Variants in CACNA1B observed in about 807,000 individuals in gnomAD.
The protein encoded by CACNA1B is voltage-dependent N-type calcium channel subunit alpha-1B.
Under a neutral mutation model 247.2 loss-of-function variants are expected in CACNA1B, and 70 were observed. The observed-to-expected ratio is 0.28, with a 90% CI of 0.23 to 0.35. The LOEUF is 0.35. CACNA1B is among the 10% of genes least tolerant of loss of function. The pLI, the probability that CACNA1B is intolerant of heterozygous loss-of-function variation, is 1.00. For synonymous variants in CACNA1B, 1,231 were observed against 1,294.4 expected, an observed-to-expected ratio of 0.95 and a Z score of 1.05; for missense variants, 2,367 against 3,197.4, an observed-to-expected ratio of 0.74 and a Z score of 6.26.
At chr9:138,006,194 T>G (rs960396357) in intron 15 of CACNA1B, among the ~76,000 whole-genome samples, 5 of 151,406 alleles carry the variant, frequency 3.3e-5, no homozygotes, top group Admixed American at 6.6e-5. Flanking sequence ...CCATTTTGGG[T>G]GGGGGACACA....
intron 6 of CACNA1B, among the ~76,000 whole-genome samples, chr9:137,936,925 C>G (rs1041315670): frequency 5.9e-5 from 9 of 152,192 alleles, no homozygotes; most frequent in Admixed American, 3.3e-4. Context: ...ACGCTTCCAG[C>G]TTTGTTCTTT....
rs994136787 is a variant in CACNA1B, at chr9:137,974,479, T to C, written c.1544-1428T>C. On this transcript the variant is annotated intron_variant, in intron 11 of 46. Coordinates refer to ENST00000371372, the MANE Select transcript of CACNA1B (RefSeq NM_000718.4). This position sits in a 1 kb window ranked among gnomAD's most constrained non-coding sequence, Gnocchi z 4.5. ...TCCTCAGGCCATACAAAGTGGGGTG[T>C]CCGCTCCCTGAGACTCCTGTCTGTT... Among the ~76,000 whole-genome samples the C allele has an allele frequency of 5.3e-5, 8 of 152,150 alleles. No homozygotes were observed. Among genetic ancestry groups the C allele is most frequent in the African/African-American group, 1.9e-4 (8 of 41,424 alleles).
intron 18 of CACNA1B, among the ~76,000 whole-genome samples, chr9:138,022,556 GT>G (rs996263856): frequency 4.4e-4 from 67 of 152,248 alleles, no homozygotes; most frequent in African/African-American, 1.5e-3. Context: ...TGTAGCAGCT[GT>G]GCTGGTGCTG....
chr9:138,030,195 G>A (rs1313630133), intron 20 of CACNA1B, among the ~76,000 whole-genome samples: 1 of 151,958 alleles, frequency 6.6e-6, no homozygotes, highest in African/African-American at 2.4e-5. Flanking sequence ...TTAGCTGTAA[G>A]GTTTTTGGGT....
chr9:137,996,378 G>A (rs1401910595), intron 15 of CACNA1B, among the ~76,000 whole-genome samples: 3 of 152,148 alleles, frequency 2.0e-5, no homozygotes, highest in Non-Finnish European at 2.9e-5. Context: ...GGATGGAATC[G>A]GAGGCTACTA....
At chr9:138,078,717 T>C (rs977358582) in intron 36 of CACNA1B, among the ~76,000 whole-genome samples, 49 of 152,166 alleles carry the variant, frequency 3.2e-4, no homozygotes, top group African/African-American at 1.2e-3. Context: ...CTCTGGCTTC[T>C]GTGTGAGTAG....
At chr9:137,923,553 A>G (rs1473278591) in intron 6 of CACNA1B, among the ~76,000 whole-genome samples, 1 of 151,926 alleles carries the variant, frequency 6.6e-6, no homozygotes. Context: ...TGGCTGTACC[A>G]TGGCTTGTTT....
At chr9:138,119,097 C>T (rs1479415429) in intron 44 of CACNA1B, among the ~76,000 whole-genome samples, 1 of 152,092 alleles carries the variant, frequency 6.6e-6, no homozygotes, top group Non-Finnish European at 1.5e-5. Flanking sequence ...TTCTGTTCCT[C>T]CTTTCCGGGG....
At chr9:138,094,457 A>AAAAAAAAAAAAAAAAAAGAAG (rs752912258) in intron 36 of CACNA1B, among the ~76,000 whole-genome samples, 17 of 134,874 alleles carry the variant, frequency 1.3e-4, no homozygotes, top group East Asian at 7.8e-4. Flanking sequence ...AAAAAAAAAA[A>AAAAAAAAAAAAAAAAAAGAAG]AAGAAGAAGA....
chr9:138,046,773 C>G, intron 21 of CACNA1B, 131 bp from the exon 22 acceptor site: 4 of 826,066 alleles, frequency 4.8e-6, no homozygotes, highest in Non-Finnish European at 7.5e-6. Flanking sequence ...ATTAGCAAAG[C>G]GAAGCTCTGG....
intron 39 of CACNA1B, among the ~76,000 whole-genome samples, chr9:138,106,708 G>A (rs1473305309): frequency 6.6e-6 from 1 of 152,200 alleles, no homozygotes; most frequent in Non-Finnish European, 1.5e-5. Flanking sequence ...AGGTTGCAGT[G>A]AGCTGAGATT....
intron 18 of CACNA1B, among the ~76,000 whole-genome samples, chr9:138,013,936 G>A (rs1958758034): frequency 6.6e-6 from 1 of 152,234 alleles, no homozygotes; most frequent in Non-Finnish European, 1.5e-5. Flanking sequence ...TCTAGGCCCA[G>A]CTGAATTTAG....
chr9:137,894,445 C>CGCTCTGTCATCCAGGCTGGAGTGCAGTG (rs1957148861), intron 3 of CACNA1B, among the ~76,000 whole-genome samples: 1 of 151,406 alleles, frequency 6.6e-6, no homozygotes. Flanking sequence ...GATGGAGTCT[C>CGCTCTGTCATCCAGGCTGGAGTGCAGTG]GCTCTGTCAT....
chr9:138,039,593 C>A (rs2133463383), intron 20 of CACNA1B, among the ~76,000 whole-genome samples: 1 of 151,874 alleles, frequency 6.6e-6, no homozygotes, highest in South Asian at 2.1e-4. Context: ...TTTTCAGTTT[C>A]CAAATGTAAA....
rs752912258 is a variant in CACNA1B, at chr9:138,094,457, A to AAAAGAAGAAG, written c.5095-2025_5095-2024insAGAAGAAGAA. ...TTTACTACAGTAAAAAAAAAAAAAA[A>AAAAGAAGAAG]AAGAAGAAGAAGAAGAAAGTGAACA... On this transcript the variant is annotated intron_variant, in intron 36 of 46. Transcript: ENST00000371372. 2.0e-3 allele frequency among the ~76,000 whole-genome samples: 267 copies of AAAAGAAGAAG among 134,878 alleles called. 2 individuals are homozygous for AAAAGAAGAAG. In the East Asian group the frequency reaches 0.035, roughly 18 times the overall value. The allele number at this position is 134,878 out of a possible 152,430, so 88.5% of individuals were successfully genotyped here.
At chr9:138,080,489 A>T (rs1284508248) in intron 36 of CACNA1B, among the ~76,000 whole-genome samples, 1 of 152,188 alleles carries the variant, frequency 6.6e-6, no homozygotes, top group African/African-American at 2.4e-5. Context: ...ATCACTGTTG[A>T]TAAGCATGTT....
At chr9:138,116,059 C>T (rs1169674370) in intron 42 of CACNA1B, among the ~76,000 whole-genome samples, 1 of 152,204 alleles carries the variant, frequency 6.6e-6, no homozygotes, top group African/African-American at 2.4e-5. Context: ...GCACTTAGAC[C>T]ACCACGTCCC....
At chr9:138,061,575 T>C (rs1959725182) in intron 31 of CACNA1B, among the ~76,000 whole-genome samples, 1 of 152,212 alleles carries the variant, frequency 6.6e-6, no homozygotes, top group African/African-American at 2.4e-5. Context: ...TAAGTGGTGT[T>C]GCGTTAGATG....
Position 137,913,163 on chromosome 9 carries a change from C to T in CACNA1B, c.531-17C>T, listed in dbSNP as rs1261143741. 2 of 1,608,998 alleles carry T rather than the reference C, an allele frequency of 1.2e-6. No homozygotes were observed. Among genetic ancestry groups the T allele is most frequent in the African/African-American group, 1.3e-5 (1 of 74,806 alleles). The stretch of plus-strand genomic sequence containing the variant: ...TGTGGAAACCTTTACTTCCCTTCTT[C>T]TCCTTGTTTCTGCCAGGATCCTTGC... On this transcript the variant is annotated splice_polypyrimidine_tract_variant and intron_variant, in intron 3 of 46. Coordinates refer to ENST00000371372, the MANE Select transcript of CACNA1B (RefSeq NM_000718.4). The surrounding 1 kb of genome is among the most constrained non-coding windows in gnomAD (Gnocchi z 5.2).
Sources: gnomAD v4.1 joint callset for allele counts (sites outside exome capture counted in the v4.1 genomes callset) on GRCh38, gnomAD v4.1.1 for gene constraint, Gnocchi (gnomAD v3.1) non-coding constraint, MANE v1.5 for transcripts, NCBI Gene and HGNC (gene_info 2026-07-23, HGNC 2026-07-21) for gene names.